TTYH3: variants seen among roughly 807,000 people sequenced by gnomAD.
TTYH3 encodes tweety family member 3.
TTYH3 carries 23 observed loss-of-function variants against 68.2 expected under a neutral mutation model. That is an observed-to-expected ratio of 0.34 (90% CI 0.24 to 0.48). The LOEUF (loss-of-function observed/expected upper bound fraction) is 0.48. TTYH3 is among the 20% of genes least tolerant of loss of function. TTYH3 has a pLI of 0.99. For missense variants in TTYH3, 768 were observed against 727.7 expected (o/e 1.06, Z -0.64); for synonymous variants, 360 against 332.8 (o/e 1.08, Z -0.89).
At position 2,647,153 on chromosome 7, in the gene TTYH3, C is replaced by G. The variant is rs1423360960; in HGVS notation, c.305C>G (p.Ala102Gly). The G allele has an allele frequency of 2.5e-6, 4 of 1,604,758 alleles. No homozygotes were observed. The highest frequency in any genetic ancestry group is 3.4e-6 in the Non-Finnish European group (4 of 1,177,268). Residue 102 changes from alanine (A) to glycine (G), a missense_variant, in exon 3 of 14, where the codon GCA becomes GGA. Physicochemically the swap from Ala to Gly is moderately conservative, Grantham distance 60. Transcript: ENST00000258796. ...CCCGCCCTCTCCAGCGCCGGCATCG[C>G]AGTGGGATTCTACGGCAACGGGGAG... is the stretch of plus-strand genomic sequence containing the variant. ...IATLVCSAGI[A>G]VGFYGNGETS...
chr7:2,652,960 G>T lies in TTYH3; in HGVS notation c.970G>T (p.Val324Phe). The T allele has an allele frequency of 2.5e-6, 4 of 1,576,672 alleles. No homozygotes were observed. Among genetic ancestry groups the T allele is most frequent in the Non-Finnish European group, 3.4e-6 (4 of 1,161,634 alleles). Residue 324 changes from valine (V) to phenylalanine (F), a missense_variant, in exon 9 of 14, where the codon GTC becomes TTC. By Grantham distance (50) the Val-to-Phe change is conservative. Coordinates refer to ENST00000258796, the MANE Select transcript of TTYH3 (RefSeq NM_025250.3). ...SHKALVEMQD[V>F]VAELLRTVPW... Reference sequence around the variant, plus strand: ...CAAGGCACTGGTGGAGATGCAGGATGTCGTGGCTGAGCTTCTGAGGACCGT... The same window carrying T: ...CAAGGCACTGGTGGAGATGCAGGATTTCGTGGCTGAGCTTCTGAGGACCGT...
At chr7:2,638,533 C>G (rs143206169) in intron 1 of TTYH3, among the ~76,000 whole-genome samples, 1 of 152,012 alleles carries the variant, frequency 6.6e-6, no homozygotes, top group African/African-American at 2.4e-5. Context: ...GAGGGAGCCC[C>G]GGGGGGTGTG....
At position 2,658,993 on chromosome 7, in the gene TTYH3, G is replaced by A; in HGVS notation, c.1478G>A (p.Gly493Glu). Residue 493 changes from glycine (G) to glutamate (E), a missense_variant, in exon 13 of 14, where the codon GGG (glycine) becomes GAG (glutamate). Physicochemically the swap from Gly to Glu is moderately conservative, Grantham distance 98 (BLOSUM62 -2). Coordinates refer to ENST00000258796, the MANE Select transcript of TTYH3 (RefSeq NM_025250.3). ...NPRCENTPLI[G>E]RESPPPSYTS... ...CGCTGTGAGAACACCCCACTCATTG[G>A]GCGCGAGTCCCCGCCGCCCTCAGTA... The A allele has an allele frequency of 1.2e-6, 2 of 1,614,048 alleles. No homozygotes were observed. The highest frequency in any genetic ancestry group is 2.2e-5 in the South Asian group (2 of 91,082).
chr7:2,662,274 G>A lies in TTYH3; in HGVS notation c.*535G>A, dbSNP rs530549005. ...CCCATCTCTCTGCAGTGCCCTCCTC[G>A]CCTGTGCAGCCCGCCCACCCACAGG... On this transcript the variant is annotated 3_prime_UTR_variant, in exon 14 of 14. Transcript: ENST00000258796. The A allele has an allele frequency of 5.3e-4, 91 of 172,100 alleles. 1 individual carries two copies. Among genetic ancestry groups the A allele is most frequent in the Admixed American group, 5.2e-3 (88 of 16,848 alleles). The allele number at this position is 172,100 out of a possible 1,614,324, so 10.7% of individuals were successfully genotyped here. A position where few individuals can be genotyped will look rare whatever the true frequency, so the allele number is the denominator to read the frequency against.
At position 2,658,413 on chromosome 7, in the gene TTYH3, C is replaced by G. The variant is rs1369038811; in HGVS notation, c.1378C>G (p.Pro460Ala). The change falls in exon 12 of 14, where the codon CCG becomes GCG. Residue 460 changes from proline to alanine, a missense_variant. Transcript: ENST00000258796. ...GSSYGSETSIPAAAHTVSNAP... is the reference protein window; with the variant it reads ...GSSYGSETSIAAAAHTVSNAP... ...CAGCTACGGCAGTGAGACCAGCATC[C>G]CGGCCGCGGCCCACACCGTCAGCAA... The G allele has an allele frequency of 1.2e-6, 2 of 1,612,270 alleles. No individual in the cohort carries two copies. The highest frequency in any genetic ancestry group is 8.5e-7 in the Non-Finnish European group (1 of 1,179,700).
chr7:2,632,911 G>A (rs1454094574), intron 1 of TTYH3, among the ~76,000 whole-genome samples: 2 of 152,214 alleles, frequency 1.3e-5, no homozygotes, highest in African/African-American at 2.4e-5. Flanking sequence ...GTGTGTGGCC[G>A]TGGGAGACCA....
chr7:2,655,739 T>C (rs1232826276), intron 9 of TTYH3, among the ~76,000 whole-genome samples: 1 of 152,216 alleles, frequency 6.6e-6, no homozygotes, highest in Non-Finnish European at 1.5e-5. Flanking sequence ...CTTGAAATAA[T>C]ACTTTCAAAA....
At chr7:2,642,556 A>G (rs10226338) in intron 1 of TTYH3, among the ~76,000 whole-genome samples, 2,585 of 146,976 alleles carry the variant, frequency 0.018, 63 homozygotes, top group African/African-American at 0.056. Flanking sequence ...AAAAAAAAAA[A>G]AAAGAAAGAA....
At position 2,645,655 on chromosome 7, in the gene TTYH3, T is replaced by C. The variant is rs772028019; in HGVS notation, c.124-1198T>C. 7.6e-6 allele frequency: 3 copies of C among 395,932 alleles called. No homozygotes were observed. The highest frequency in any genetic ancestry group is 1.6e-5 in the Non-Finnish European group (3 of 190,338). The allele number at this position is 395,932 out of a possible 1,614,324, so 24.5% of individuals were successfully genotyped here. ...GCAGTGTGGGGCCAGCCCCACCATCTCATCCAGCGTGGGGGCACGCCATGG... is the reference window on the plus strand; with the variant it reads ...GCAGTGTGGGGCCAGCCCCACCATCCCATCCAGCGTGGGGGCACGCCATGG... On this transcript the variant is annotated intron_variant, in intron 1 of 13. Transcript: ENST00000258796. The surrounding 1 kb of genome is among the most constrained non-coding windows in gnomAD (Gnocchi z 4.8).
At chr7:2,637,750 C>G (rs1178572251) in intron 1 of TTYH3, among the ~76,000 whole-genome samples, 1 of 152,068 alleles carries the variant, frequency 6.6e-6, no homozygotes, top group Non-Finnish European at 1.5e-5. Context: ...GGAGGGCCTC[C>G]TGTACCCGGG....
chr7:2,657,227 A>G (rs1786358864), intron 11 of TTYH3, among the ~76,000 whole-genome samples: 1 of 152,248 alleles, frequency 6.6e-6, no homozygotes, highest in African/African-American at 2.4e-5. Flanking sequence ...TATGGATGGC[A>G]GGTAGCTCAG....
In TTYH3 at chr7:2,658,416, G is replaced by T; in HGVS notation, c.1381G>T (p.Ala461Ser). The change falls in exon 12 of 14, where the codon GCC becomes TCC. Residue 461 changes from alanine (A) to serine (S), a missense_variant. Ala to Ser is a moderately conservative substitution (Grantham distance 99). Transcript: ENST00000258796. ...CTACGGCAGTGAGACCAGCATCCCGGCCGCGGCCCACACCGTCAGCAACGC... is the reference window on the plus strand; with the variant it reads ...CTACGGCAGTGAGACCAGCATCCCGTCCGCGGCCCACACCGTCAGCAACGC... The part of the protein sequence containing the change: ...SSYGSETSIP[A>S]AAHTVSNAPV... The T allele has an allele frequency of 6.2e-7, 1 of 1,612,334 alleles. No homozygotes were observed. The highest frequency in any genetic ancestry group is 1.1e-5 in the South Asian group (1 of 91,038).
chr7:2,651,255 A>C (rs1786168048), intron 7 of TTYH3, among the ~76,000 whole-genome samples: 1 of 152,170 alleles, frequency 6.6e-6, no homozygotes, highest in Admixed American at 6.5e-5. Flanking sequence ...GAAGGTGACC[A>C]TCCTGCCACC....
chr7:2,653,192 C>T (rs112740573), intron 9 of TTYH3, among the ~76,000 whole-genome samples, 182 bp downstream of exon 9: 3 of 152,142 alleles, frequency 2.0e-5, no homozygotes, highest in East Asian at 1.9e-4. Context: ...GCCCTTTCCG[C>T]GTTAGGCCTC....
chr7:2,641,309 G>A (rs948006064), intron 1 of TTYH3, among the ~76,000 whole-genome samples: 5 of 152,104 alleles, frequency 3.3e-5, no homozygotes, highest in Admixed American at 2.0e-4. Context: ...TGGGGGCTGC[G>A]GGGCAGTCGG....
In TTYH3 at chr7:2,652,999, C is replaced by A; in HGVS notation, c.1009C>A (p.Pro337Thr). Residue 337 changes from proline (P) to threonine (T), a missense_variant, in exon 9 of 14, where the codon CCG (proline) becomes ACG (threonine). Coordinates refer to ENST00000258796, the MANE Select transcript of TTYH3 (RefSeq NM_025250.3). ...TCTGAGGACCGTCCCCTGGGAGCAG[C>A]CGGCCACTAAGGTGAGGGGCTGCGG... ...ELLRTVPWEQ[P>T]ATKDPLLRVQ... is the part of the protein sequence containing the mutation. 6.4e-7 allele frequency: 1 copy of A among 1,570,680 alleles called. No homozygotes were observed. The highest frequency in any genetic ancestry group is 1.3e-5 in the African/African-American group (1 of 74,684).
In TTYH3 at chr7:2,655,168, A is replaced by G. The variant is rs144297879; in HGVS notation, c.1021-924A>G. Among the ~76,000 whole-genome samples the G allele has an allele frequency of 4.8e-3, 724 of 151,682 alleles. 4 individuals are homozygous for G. The highest frequency in any genetic ancestry group is 0.016 in the African/African-American group (677 of 41,272). ...CTTTTTTTTTGGTGTTGTTTTTGAG[A>G]TAGGGTCTTACTCTCTTGCCGAGGC... On this transcript the variant is annotated intron_variant, in intron 9 of 13. Coordinates refer to ENST00000258796, the MANE Select transcript of TTYH3 (RefSeq NM_025250.3).
chr7:2,646,816 G>T (rs1323379693), intron 1 of TTYH3, 37 bp from the exon 2 acceptor site: 3 of 1,573,346 alleles, frequency 1.9e-6, no homozygotes, highest in African/African-American at 1.3e-5. Flanking sequence ...TGAGCTGGGG[G>T]TCCACCCCTC....
At chr7:2,632,369 T>A in intron 1 of TTYH3, 91 bp downstream of exon 1, 1 of 1,292,516 alleles carries the variant, frequency 7.7e-7, no homozygotes, top group Non-Finnish European at 1.0e-6. Flanking sequence ...CCCGAGGGCC[T>A]AAAGACCCCT....
Sources: allele counts gnomAD v4.1 joint callset (sites outside exome capture counted in the v4.1 genomes callset), GRCh38; gene constraint gnomAD v4.1.1; non-coding constraint Gnocchi (gnomAD v3.1); transcripts MANE v1.5; gene names NCBI Gene and HGNC (gene_info 2026-07-23, HGNC 2026-07-21).